Variants in LRRC41 observed in about 807,000 individuals in gnomAD.
The protein encoded by LRRC41 is leucine rich repeat containing 41.
In LRRC41, 17 loss-of-function variants were observed where a neutral mutation model predicts 72.1. The ratio of observed to expected loss-of-function variants is 0.24; its 90% CI spans 0.16 to 0.35. LRRC41 has a LOEUF of 0.35. Among genes scored for constraint, LRRC41 ranks in the 10% least tolerant of loss-of-function variants. The probability of loss-of-function intolerance (pLI) is 1.00; values close to 1 mark genes in which losing one functional copy is unlikely to be tolerated. For synonymous variants in LRRC41, 427 were observed against 431.0 expected (o/e 0.99, Z 0.11); for missense variants, 759 against 1,065.0 (o/e 0.71, Z 4.00).
Position 46,281,217 on chromosome 1 carries a change from A to C in LRRC41, c.1664T>G (p.Ile555Ser). The change falls in exon 5 of 10, where the codon ATT (isoleucine) becomes AGT (serine). Residue 555 changes from isoleucine to serine, a missense_variant. By Grantham distance (142) the Ile-to-Ser change is moderately radical (BLOSUM62 -2). This residue lies in a region of LRRC41 where 427 missense variants were observed against 520.9 expected (regional missense o/e 0.82). Coordinates refer to ENST00000617190, the MANE Select transcript of LRRC41 (RefSeq NM_006369.5). The stretch of plus-strand genomic sequence containing the variant: ...CCGCTGGCTTGGGTGGTCAACACGA[A>C]TAGAGAGGACCCGTAGCAGGGGCAG... ...RALPLLRVLSIRVDHPSQRDN... is the reference protein window; with the variant it reads ...RALPLLRVLSSRVDHPSQRDN... The C allele has an allele frequency of 6.2e-7, 1 of 1,614,186 alleles. No homozygotes were observed. Among genetic ancestry groups the C allele is most frequent in the East Asian group, 2.2e-5 (1 of 44,880 alleles).
Position 46,285,469 on chromosome 1 carries a change from G to A in LRRC41, c.1388C>T (p.Ser463Phe), listed in dbSNP as rs201110440. The change falls in exon 4 of 10, where the codon TCC (serine) becomes TTC (phenylalanine). Residue 463 changes from serine to phenylalanine, a missense_variant. Physicochemically the swap from Ser to Phe is radical, Grantham distance 155. Coordinates refer to ENST00000617190, the MANE Select transcript of LRRC41 (RefSeq NM_006369.5). The surrounding 1 kb of genome is among the most constrained non-coding windows in gnomAD (Gnocchi z 5.3). ...LEASQRFRSI[S>F]TLELFTVPLS... Reference sequence around the variant, plus strand: ...TGGAACTGTGAATAGCTCCAAGGTGGAGATGCTGCGGAATCTTTGTGAAGC... The same window carrying A: ...TGGAACTGTGAATAGCTCCAAGGTGAAGATGCTGCGGAATCTTTGTGAAGC... 32 of 1,614,150 alleles carry A rather than the reference G, an allele frequency of 2.0e-5. 1 individual carries two copies. The Admixed American group carries it at 3.8e-4, about 19-fold the overall frequency.
chr1:46,278,749 G>GA lies in LRRC41; in HGVS notation c.*115dup. 2 of 1,072,026 alleles carry GA rather than the reference G, an allele frequency of 1.9e-6. No homozygotes were observed. Among genetic ancestry groups the GA allele is most frequent in the Non-Finnish European group, 1.4e-6 (1 of 735,266 alleles). 66.4% of individuals were successfully genotyped at this position (1,072,026 alleles called of 1,614,324 possible). On this transcript the variant is annotated 3_prime_UTR_variant, in exon 10 of 10. Transcript: ENST00000617190. ...AGTGCAAGGGAAGAAGGAAAAAAGA[G>GA]AAAAAAGGTGACAGAAAGAGAAAGA...
intron 1 of LRRC41, chr1:46,298,819 G>A (rs115425122): frequency 5.4e-4 from 84 of 154,712 alleles, no homozygotes; most frequent in Non-Finnish European, 1.0e-3. Flanking sequence ...ATATTATGCC[G>A]CTTTCTGCCC....
chr1:46,303,380 C>G lies in LRRC41; in HGVS notation c.-58G>C. The stretch of plus-strand genomic sequence containing the variant: ...CCGCGGACCGCCATCTTGAAAAGGT[C>G]AGCAGTTAGGACGGCTCCATAAGCG... On this transcript the variant is annotated 5_prime_UTR_variant, in exon 1 of 10. Coordinates refer to ENST00000617190, the MANE Select transcript of LRRC41 (RefSeq NM_006369.5). 7.0e-7 allele frequency: 1 copy of G among 1,437,844 alleles called. No homozygotes were observed. Among genetic ancestry groups the G allele is most frequent in the Non-Finnish European group, 9.2e-7 (1 of 1,090,306 alleles). The allele number at this position is 1,437,844 out of a possible 1,614,324, so 89.1% of individuals were successfully genotyped here. A position where few individuals can be genotyped will look rare whatever the true frequency, so the allele number is the denominator to read the frequency against.
chr1:46,293,487 A>G (rs915792803), intron 3 of LRRC41, among the ~76,000 whole-genome samples: 4 of 151,952 alleles, frequency 2.6e-5, no homozygotes, highest in African/African-American at 9.7e-5. Context: ...CAATCTGACC[A>G]CCTTGGCATC....
In LRRC41 at chr1:46,278,288, A is replaced by T; in HGVS notation, c.*577T>A. ...AGCAGCGGGGCCTCCGCTGATAACCAGCTGGTCTGGGTGTAGCTCTTAGAG... is the reference window on the plus strand; with the variant it reads ...AGCAGCGGGGCCTCCGCTGATAACCTGCTGGTCTGGGTGTAGCTCTTAGAG... On this transcript the variant is annotated 3_prime_UTR_variant, in exon 10 of 10. Transcript: ENST00000617190. 1 of 1,609,196 alleles carries T rather than the reference A, an allele frequency of 6.2e-7. No homozygotes were observed. Among genetic ancestry groups the T allele is most frequent in the Non-Finnish European group, 8.5e-7 (1 of 1,178,084 alleles).
intron 5 of LRRC41, 115 bp from the exon 6 acceptor site, chr1:46,280,675 C>T (rs1305455718): frequency 9.9e-6 from 10 of 1,010,838 alleles, no homozygotes; most frequent in African/African-American, 4.9e-5. Flanking sequence ...ATTCACTTGT[C>T]GTTGAGTGCC....
At position 46,302,165 on chromosome 1, in the gene LRRC41, C is replaced by T; in HGVS notation, c.199+959G>A. On this transcript the variant is annotated intron_variant, in intron 1 of 9. Coordinates refer to ENST00000617190, the MANE Select transcript of LRRC41 (RefSeq NM_006369.5). This position sits in a 1 kb window ranked among gnomAD's most constrained non-coding sequence, Gnocchi z 4.7. Reference sequence around the variant, plus strand: ...AGGCCCGGCCCTTTGGTCCCGGCCGCCTTCAGGCCTGGGGCCCCCGTTCAC... The same window carrying T: ...AGGCCCGGCCCTTTGGTCCCGGCCGTCTTCAGGCCTGGGGCCCCCGTTCAC... The T allele has an allele frequency of 1.0e-6, 1 of 985,360 alleles. No individual in the cohort carries two copies. The highest frequency in any genetic ancestry group is 1.7e-5 in the African/African-American group (1 of 57,358). The allele number at this position is 985,360 out of a possible 1,614,324, so 61.0% of individuals were successfully genotyped here.
intron 1 of LRRC41, among the ~76,000 whole-genome samples, chr1:46,301,462 C>T (rs374702515): frequency 1.3e-5 from 2 of 152,036 alleles, no homozygotes; most frequent in African/African-American, 4.8e-5. Flanking sequence ...TCTTCTCAGC[C>T]GCTGGCTGGC....
Position 46,279,104 on chromosome 1 carries a change from T to G in LRRC41, c.2220-20A>C. 1 of 1,609,646 alleles carries G rather than the reference T, an allele frequency of 6.2e-7. No individual in the cohort carries two copies. Among genetic ancestry groups the G allele is most frequent in the South Asian group, 1.1e-5 (1 of 90,678 alleles). ...TTGGAACTGGTAGGGTGAGATGGAT[T>G]AGATATCCAGGAAGCAGTGAATTCC... On this transcript the variant is annotated intron_variant, in intron 9 of 9. Transcript: ENST00000617190. This position sits in a 1 kb window ranked among gnomAD's most constrained non-coding sequence, Gnocchi z 4.5.
Position 46,297,572 on chromosome 1 carries a change from G to A in LRRC41, c.348C>T (p.Ser116=). The A allele has an allele frequency of 6.2e-7, 1 of 1,613,922 alleles. No homozygotes were observed. Among genetic ancestry groups the A allele is most frequent in the South Asian group, 1.1e-5 (1 of 91,070 alleles). The change falls in exon 3 of 10, where the codon TCC becomes TCT. Residue 116 remains serine, a synonymous_variant. Transcript: ENST00000617190. ...TGATACCTTAACTTACTTCCAAACT[G>A]GAAGGCCTTGTCTTCATCAGTTCAT... ...LWDELMKTRP[S]SLESVTCWRA...
rs771268904 is a variant in LRRC41 at position 46,285,297 on chromosome 1, A to G, written c.1495+65T>C. On this transcript the variant is annotated intron_variant, in intron 4 of 9. Coordinates refer to ENST00000617190, the MANE Select transcript of LRRC41 (RefSeq NM_006369.5). This position sits in a 1 kb window ranked among gnomAD's most constrained non-coding sequence, Gnocchi z 5.3. ...AATTTGCCCCTCCCACCTCCCTAGA[A>G]TTAGGCACACAGCTGGTGCTGCTAG... 35 of 1,561,488 alleles carry G rather than the reference A, an allele frequency of 2.2e-5. No homozygotes were observed. In the Admixed American group the frequency reaches 6.5e-4, roughly 29 times the overall value.
At chr1:46,295,178 G>T (rs1191132929) in intron 3 of LRRC41, among the ~76,000 whole-genome samples, 1 of 151,960 alleles carries the variant, frequency 6.6e-6, no homozygotes, top group East Asian at 1.9e-4. Context: ...TCCTACCTTG[G>T]TCTCCCGAGT....
At chr1:46,299,693 A>G (rs1359962647) in intron 1 of LRRC41, 1 of 152,222 alleles carries the variant, frequency 6.6e-6, no homozygotes, top group Admixed American at 6.5e-5. Flanking sequence ...CCTGACCAAC[A>G]TGGTGAAACC....
In LRRC41 at chr1:46,277,999, C is replaced by G; in HGVS notation, c.*866G>C. 1 of 1,614,192 alleles carries G rather than the reference C, an allele frequency of 6.2e-7. No homozygotes were observed. The highest frequency in any genetic ancestry group is 8.5e-7 in the Non-Finnish European group (1 of 1,180,032). On this transcript the variant is annotated 3_prime_UTR_variant, in exon 10 of 10. Coordinates refer to ENST00000617190, the MANE Select transcript of LRRC41 (RefSeq NM_006369.5). ...ATGACAGGTGGGGAAGTGCCCTAAC[C>G]ATTATCTCTAAGCTACCCACACAGT...
chr1:46,295,115 A>G (rs916920146), intron 3 of LRRC41, among the ~76,000 whole-genome samples: 6 of 152,104 alleles, frequency 3.9e-5, no homozygotes, highest in Admixed American at 3.3e-4. Context: ...GCTGGAGTAC[A>G]GTGGTGCGAT....
intron 1 of LRRC41, chr1:46,300,760 G>C (rs553793098): frequency 6.6e-6 from 1 of 152,194 alleles, no homozygotes; most frequent in Admixed American, 6.6e-5. Context: ...CTATACACCC[G>C]CTGCCCCAAC....
chr1:46,289,433 C>G (rs1420698635), intron 3 of LRRC41, among the ~76,000 whole-genome samples: 1 of 152,080 alleles, frequency 6.6e-6, no homozygotes, highest in Admixed American at 6.6e-5. Context: ...TACGAGCAGA[C>G]AAGAGATCAT....
chr1:46,289,920 G>A (rs921567327), intron 3 of LRRC41, among the ~76,000 whole-genome samples: 5 of 152,218 alleles, frequency 3.3e-5, no homozygotes, highest in Admixed American at 3.3e-4. Context: ...TCAATGAGGT[G>A]AAGTGATGTT....
Sources: gnomAD v4.1 joint callset for allele counts (sites outside exome capture counted in the v4.1 genomes callset) on GRCh38, gnomAD v4.1.1 for gene constraint, gnomAD v4.1.1 regional missense constraint, Gnocchi (gnomAD v3.1) non-coding constraint, MANE v1.5 for transcripts, NCBI Gene and HGNC (gene_info 2026-07-23, HGNC 2026-07-21) for gene names.